BAALC: variants seen among roughly 807,000 people sequenced by gnomAD.
The protein encoded by BAALC is BAALC binder of MAP3K1 and KLF4, also known as brain and acute leukemia cytoplasmic protein.
A neutral mutation model predicts 15.5 loss-of-function variants in BAALC; 9 were observed. The ratio of observed to expected loss-of-function variants is 0.58; its 90% CI spans 0.35 to 1.02. The LOEUF is 1.02. BAALC is among the 50% of genes least tolerant of loss of function. The probability of loss-of-function intolerance (pLI) is 0.02; values close to 1 mark genes in which losing one functional copy is unlikely to be tolerated. For synonymous variants in BAALC, 80 were observed against 74.6 expected (o/e 1.07, Z -0.37); for missense variants, 201 against 192.4 (o/e 1.04, Z -0.27).
At position 103,178,515 on chromosome 8, in the gene BAALC, A is replaced by T. The variant is rs556224037; in HGVS notation, c.161-34404A>T. On this transcript the variant is annotated intron_variant, in intron 1 of 2. Coordinates refer to ENST00000309982, the MANE Select transcript of BAALC (RefSeq NM_024812.3). Reference sequence around the variant, plus strand: ...GGGGAAATTAGAAAAGAGCACACAGATCACTCTGTACGATTTCTTACAACA... The same window carrying T: ...GGGGAAATTAGAAAAGAGCACACAGTTCACTCTGTACGATTTCTTACAACA... Among the ~76,000 whole-genome samples, 5 of 152,334 alleles carry T rather than the reference A, an allele frequency of 3.3e-5. No homozygotes were observed. In the East Asian group the frequency reaches 9.6e-4, roughly 29 times the overall value.
At chr8:103,182,856 C>T (rs1210586469) in intron 1 of BAALC, among the ~76,000 whole-genome samples, 2 of 152,142 alleles carry the variant, frequency 1.3e-5, no homozygotes, top group African/African-American at 2.4e-5. Context: ...AGGGAGGCTC[C>T]AGGGTGAGCT....
At chr8:103,194,376 T>C (rs1586419606) in intron 1 of BAALC, among the ~76,000 whole-genome samples, 1 of 137,376 alleles carries the variant, frequency 7.3e-6, no homozygotes, top group Non-Finnish European at 1.6e-5. Context: ...TGTAGTCTTT[T>C]CTTTAATTTA....
chr8:103,203,355 T>C (rs11777754), intron 1 of BAALC, among the ~76,000 whole-genome samples: 9,787 of 152,332 alleles, frequency 0.064, 403 homozygotes, highest in Non-Finnish European at 0.097. Flanking sequence ...CAAATCCAAA[T>C]GTGCTTCTAT....
chr8:103,158,869 G>A (rs1457838593), intron 1 of BAALC, among the ~76,000 whole-genome samples: 1 of 152,104 alleles, frequency 6.6e-6, no homozygotes. Flanking sequence ...TGCAAAAATG[G>A]AACCTGCAGG....
chr8:103,179,482 A>C (rs1811678779), intron 1 of BAALC, among the ~76,000 whole-genome samples: 1 of 152,248 alleles, frequency 6.6e-6, no homozygotes, highest in Non-Finnish European at 1.5e-5. Context: ...ATAGAAGCAC[A>C]ATGTGCTCTA....
intron 1 of BAALC, among the ~76,000 whole-genome samples, chr8:103,189,385 C>T (rs2129996737): frequency 6.6e-6 from 1 of 152,308 alleles, no homozygotes; most frequent in South Asian, 2.1e-4. Context: ...AAAAACATAG[C>T]ATAAATACGA....
intron 2 of BAALC, among the ~76,000 whole-genome samples, chr8:103,222,135 G>C (rs1288518505): frequency 6.6e-6 from 1 of 152,208 alleles, no homozygotes; most frequent in African/African-American, 2.4e-5. Context: ...TAAGAAAAAG[G>C]ATTGTGGAGA....
chr8:103,188,439 G>T (rs143484585), intron 1 of BAALC, among the ~76,000 whole-genome samples: 1 of 152,226 alleles, frequency 6.6e-6, no homozygotes, highest in African/African-American at 2.4e-5. Context: ...GATAAGGGAC[G>T]TTGAGGGACA....
chr8:103,164,018 G>A lies in BAALC; in HGVS notation c.160+22961G>A, dbSNP rs548003748. Among the ~76,000 whole-genome samples the A allele has an allele frequency of 8.5e-5, 13 of 152,304 alleles. 1 individual carries two copies. The South Asian group carries it at 2.7e-3, about 32-fold the overall frequency. On this transcript the variant is annotated intron_variant, in intron 1 of 2. Transcript: ENST00000309982. Reference sequence around the variant, plus strand: ...ATAACCAAGGCAATTTCAGACATTGGTAAGCACCGTGAAGAAAACCAAGAT... The same window carrying A: ...ATAACCAAGGCAATTTCAGACATTGATAAGCACCGTGAAGAAAACCAAGAT...
At chr8:103,142,896 C>A (rs1376821813) in intron 1 of BAALC, among the ~76,000 whole-genome samples, 2 of 152,210 alleles carry the variant, frequency 1.3e-5, no homozygotes, top group Admixed American at 6.5e-5. Flanking sequence ...TGGTACCCTG[C>A]CAAACATGGG....
chr8:103,152,109 A>G (rs1810999387), intron 1 of BAALC, among the ~76,000 whole-genome samples: 3 of 152,066 alleles, frequency 2.0e-5, no homozygotes, highest in Admixed American at 2.0e-4. Context: ...TTAAAAACAT[A>G]TGTCAGGTCC....
At chr8:103,178,403 G>A (rs566366054) in intron 1 of BAALC, among the ~76,000 whole-genome samples, 1 of 152,270 alleles carries the variant, frequency 6.6e-6, no homozygotes, top group African/African-American at 2.4e-5. Context: ...TTAAACCTGG[G>A]GAAATCTAAA....
chr8:103,164,459 C>T (rs1469772675), intron 1 of BAALC, among the ~76,000 whole-genome samples: 1 of 152,212 alleles, frequency 6.6e-6, no homozygotes, highest in East Asian at 1.9e-4. Flanking sequence ...TTCTCACATT[C>T]CTGCCAAAGA....
At chr8:103,151,748 C>A (rs1810992677) in intron 1 of BAALC, among the ~76,000 whole-genome samples, 1 of 98,770 alleles carries the variant, frequency 1.0e-5, no homozygotes, top group African/African-American at 5.9e-5. Flanking sequence ...CTATACTTTC[C>A]CTCTGAATAT....
At chr8:103,183,106 C>A (rs1233336799) in intron 1 of BAALC, among the ~76,000 whole-genome samples, 2 of 152,202 alleles carry the variant, frequency 1.3e-5, no homozygotes, top group African/African-American at 4.8e-5. Context: ...TCAAACCAGT[C>A]ATGTTTTATT....
intron 1 of BAALC, among the ~76,000 whole-genome samples, chr8:103,192,203 C>T (rs950714279): frequency 6.6e-6 from 1 of 152,182 alleles, no homozygotes; most frequent in Non-Finnish European, 1.5e-5. Flanking sequence ...AGGCATGTGC[C>T]ACCACCCCTG....
intron 1 of BAALC, among the ~76,000 whole-genome samples, chr8:103,155,999 A>G (rs903299): frequency 1.5e-3 from 227 of 152,314 alleles, no homozygotes; most frequent in African/African-American, 5.1e-3. Context: ...TTCTTTTGCA[A>G]CTACTCAACT....
chr8:103,183,824 C>A (rs1002162289), intron 1 of BAALC, among the ~76,000 whole-genome samples: 1 of 152,172 alleles, frequency 6.6e-6, no homozygotes, highest in Non-Finnish European at 1.5e-5. Context: ...AACTGAATTC[C>A]TGGGCATGGT....
At chr8:103,174,405 C>G (rs973755365) in intron 1 of BAALC, among the ~76,000 whole-genome samples, 1 of 152,162 alleles carries the variant, frequency 6.6e-6, no homozygotes, top group Admixed American at 6.5e-5. Context: ...GTATGCCAAG[C>G]CCCAGGAAGG....
Sources: gnomAD v4.1 joint callset for allele counts (sites outside exome capture counted in the v4.1 genomes callset) on GRCh38, gnomAD v4.1.1 for gene constraint, MANE v1.5 for transcripts, NCBI Gene and HGNC (gene_info 2026-07-23, HGNC 2026-07-21) for gene names.